Variants in OMA1 observed in about 807,000 individuals in gnomAD.
OMA1 encodes OMA1 zinc metallopeptidase.
OMA1 carries 38 observed loss-of-function variants against 30.9 expected under a neutral mutation model. That is an observed-to-expected ratio of 1.23 (90% confidence interval 0.95 to 1.61). The LOEUF (loss-of-function observed/expected upper bound fraction) is 1.61, where lower values mean the gene tolerates loss of function less well. Among genes scored for constraint, OMA1 ranks in the 40% most tolerant of loss-of-function variants. The pLI is 0.00. For synonymous variants in OMA1, 173 were observed against 121.9 expected (o/e 1.42, Z -2.76); for missense variants, 461 against 349.2 (o/e 1.32, Z -2.55).
chr1:58,519,795 T>C (rs1312549666), intron 7 of OMA1, among the ~76,000 whole-genome samples: 2 of 151,548 alleles, frequency 1.3e-5, no homozygotes, highest in Admixed American at 6.6e-5. Flanking sequence ...AAGAAACATA[T>C]GACAAAATGG....
At chr1:58,506,282 T>G (rs1305434055) in intron 7 of OMA1, 73 bp from the exon 8 acceptor site, 3 of 721,982 alleles carry the variant, frequency 4.2e-6, no homozygotes, top group Admixed American at 5.0e-5. Context: ...TACTTTATTT[T>G]TTTTTAATTC....
At chr1:58,523,917 C>T (rs1367476307) in intron 7 of OMA1, among the ~76,000 whole-genome samples, 1 of 152,032 alleles carries the variant, frequency 6.6e-6, no homozygotes, top group Non-Finnish European at 1.5e-5. Flanking sequence ...AAAAAAAGAA[C>T]TGGCAGCCTT....
intron 8 of OMA1, among the ~76,000 whole-genome samples, chr1:58,501,473 C>A (rs1242508342): frequency 6.6e-6 from 1 of 152,208 alleles, no homozygotes; most frequent in Non-Finnish European, 1.5e-5. Flanking sequence ...TGAACAAAAG[C>A]CAAAGTCCTT....
intron 5 of OMA1, among the ~76,000 whole-genome samples, chr1:58,533,281 T>C (rs543520525): frequency 5.9e-4 from 90 of 152,352 alleles, no homozygotes; most frequent in Non-Finnish European, 3.4e-4. Flanking sequence ...GAAGAAACAC[T>C]GGACTAACAT....
intron 1 of OMA1, among the ~76,000 whole-genome samples, chr1:58,542,238 A>T (rs1241724309): frequency 1.3e-5 from 2 of 152,240 alleles, no homozygotes; most frequent in Non-Finnish European, 2.9e-5. Flanking sequence ...ATTATTAACA[A>T]GATACTTTGT....
At chr1:58,518,591 G>T (rs926844645) in intron 7 of OMA1, among the ~76,000 whole-genome samples, 2 of 151,728 alleles carry the variant, frequency 1.3e-5, no homozygotes, top group African/African-American at 4.8e-5. Context: ...AGGACTTGGT[G>T]AAAAAATTAA....
intron 8 of OMA1, among the ~76,000 whole-genome samples, chr1:58,489,920 T>C (rs1276117427): frequency 1.3e-5 from 2 of 152,104 alleles, no homozygotes; most frequent in Non-Finnish European, 2.9e-5. Flanking sequence ...AGAAAGGACA[T>C]CCACACCAAA....
chr1:58,523,209 C>T (rs1054664308), intron 7 of OMA1, among the ~76,000 whole-genome samples: 3 of 152,142 alleles, frequency 2.0e-5, no homozygotes, highest in African/African-American at 7.2e-5. Flanking sequence ...TATATTGAAA[C>T]CCTTCACTCC....
intron 8 of OMA1, among the ~76,000 whole-genome samples, chr1:58,504,402 T>C (rs1645954075): frequency 6.6e-6 from 1 of 152,212 alleles, no homozygotes; most frequent in South Asian, 2.1e-4. Flanking sequence ...CTAAAGGACT[T>C]GCTCCCGTGC....
chr1:58,489,562 A>C (rs1200100701), intron 8 of OMA1, among the ~76,000 whole-genome samples: 2 of 152,186 alleles, frequency 1.3e-5, no homozygotes, highest in East Asian at 3.9e-4. Context: ...TGCAGACTTA[A>C]ATGTCCCTGT....
intron 5 of OMA1, among the ~76,000 whole-genome samples, chr1:58,532,195 G>T (rs2100477615): frequency 6.6e-6 from 1 of 152,216 alleles, no homozygotes; most frequent in South Asian, 2.1e-4. Flanking sequence ...TCAAAACTGA[G>T]ACTCCCAAAA....
intron 7 of OMA1, among the ~76,000 whole-genome samples, chr1:58,515,337 T>C (rs1189592295): frequency 6.6e-6 from 1 of 152,166 alleles, no homozygotes; most frequent in Non-Finnish European, 1.5e-5. Flanking sequence ...GAAAGACATA[T>C]GTTGGTCATT....
chr1:58,526,601 C>CAAA (rs10574530), intron 7 of OMA1, among the ~76,000 whole-genome samples: 10,073 of 120,892 alleles, frequency 0.083, 406 homozygotes, highest in Middle Eastern at 0.11. Context: ...CTATGGCTAG[C>CAAA]AAAAAAAAAA....
chr1:58,502,352 A>G (rs1238533418), intron 8 of OMA1, among the ~76,000 whole-genome samples: 1 of 152,214 alleles, frequency 6.6e-6, no homozygotes, highest in Admixed American at 6.5e-5. Flanking sequence ...AAAATATGCA[A>G]TACTGTTACT....
intron 8 of OMA1, among the ~76,000 whole-genome samples, chr1:58,505,593 A>C (rs1645975374): frequency 6.6e-6 from 1 of 152,238 alleles, no homozygotes; most frequent in South Asian, 2.1e-4. Flanking sequence ...AAATAACCAG[A>C]AACAAACATG....
chr1:58,519,077 C>T (rs966429167), intron 7 of OMA1, among the ~76,000 whole-genome samples: 2 of 152,178 alleles, frequency 1.3e-5, no homozygotes, highest in East Asian at 1.9e-4. Flanking sequence ...TTACCCCACA[C>T]TGCAGAGACC....
chr1:58,535,885 T>C (rs1159485026), intron 3 of OMA1, among the ~76,000 whole-genome samples: 1 of 152,096 alleles, frequency 6.6e-6, no homozygotes, highest in Non-Finnish European at 1.5e-5. Flanking sequence ...AAATCTTATA[T>C]TACTTGATTT....
intron 7 of OMA1, among the ~76,000 whole-genome samples, chr1:58,513,007 T>C (rs1646105389): frequency 6.6e-6 from 1 of 152,164 alleles, no homozygotes; most frequent in Non-Finnish European, 1.5e-5. Flanking sequence ...AGAAAAGTAT[T>C]ATAGAAAACT....
chr1:58,493,463 G>C (rs2100384189), intron 8 of OMA1, among the ~76,000 whole-genome samples: 1 of 151,826 alleles, frequency 6.6e-6, no homozygotes, highest in African/African-American at 2.4e-5. Context: ...ATTAGGAAAA[G>C]AGCAAGTCAA....
Sources: gnomAD v4.1 joint callset for allele counts (sites outside exome capture counted in the v4.1 genomes callset) on GRCh38, gnomAD v4.1.1 for gene constraint, MANE v1.5 for transcripts, NCBI Gene and HGNC (gene_info 2026-07-23, HGNC 2026-07-21) for gene names.